Variants in DYNLL1 observed in about 807,000 individuals in gnomAD.
DYNLL1 encodes the protein dynein light chain 1, cytoplasmic.
In DYNLL1, 3 loss-of-function variants were observed where a neutral mutation model predicts 10.1. The observed-to-expected ratio is 0.30, with a 90% CI of 0.14 to 0.77. DYNLL1 has a LOEUF of 0.77. Ranked by LOEUF, DYNLL1 falls within the 30% of genes least tolerant of loss-of-function variation. The pLI, the probability that DYNLL1 is intolerant of heterozygous loss-of-function variation, is 0.66. For missense variants in DYNLL1, 47 were observed against 111.7 expected (o/e 0.42, Z 2.61); for synonymous variants, 46 against 41.2 (o/e 1.12, Z -0.45).
intron 1 of DYNLL1, among the ~76,000 whole-genome samples, chr12:120,473,792 C>T (rs574784566): frequency 2.6e-5 from 4 of 151,904 alleles, no homozygotes; most frequent in African/African-American, 7.2e-5. Context: ...TCAAGTGATC[C>T]GCCCATCTCG....
In DYNLL1 at chr12:120,496,205, C is replaced by G. The variant is rs1450243890; in HGVS notation, c.-18C>G. ...AGGAGACCGTTGCAGTCGGCCAGCC[C>G]CCTTCTCCACGGTGAGAAACTCGGG... On this transcript the variant is annotated 5_prime_UTR_variant, in exon 1 of 3. Coordinates refer to ENST00000242577, the MANE Select transcript of DYNLL1 (RefSeq NM_003746.3). 1 of 682,412 alleles carries G rather than the reference C, an allele frequency of 1.5e-6. No homozygotes were observed. The highest frequency in any genetic ancestry group is 1.8e-5 in the African/African-American group (1 of 55,332). The allele number at this position is 682,412 out of a possible 1,614,324, so 42.3% of individuals were successfully genotyped here.
At chr12:120,477,590 A>AT in intron 1 of DYNLL1, among the ~76,000 whole-genome samples, 1 of 151,898 alleles carries the variant, frequency 6.6e-6, no homozygotes, top group African/African-American at 2.4e-5. Flanking sequence ...TCTCTACAAA[A>AT]AAAATAAATA....
intron 1 of DYNLL1, among the ~76,000 whole-genome samples, chr12:120,470,469 CT>C (rs1293257543): frequency 6.6e-6 from 1 of 152,084 alleles, no homozygotes; most frequent in South Asian, 2.1e-4. Flanking sequence ...CACCAGAAGA[CT>C]TTTTGTTTGT....
At chr12:120,470,606 G>A (rs1195474832) in intron 1 of DYNLL1, among the ~76,000 whole-genome samples, 1 of 152,124 alleles carries the variant, frequency 6.6e-6, no homozygotes, top group Admixed American at 6.5e-5. Flanking sequence ...AGGGGTCTGC[G>A]CTGCGTCCAG....
intron 1 of DYNLL1, among the ~76,000 whole-genome samples, chr12:120,487,593 C>G (rs771190298): frequency 2.6e-5 from 4 of 151,982 alleles, no homozygotes; most frequent in African/African-American, 4.8e-5. Context: ...AGACTGGGCC[C>G]GGAAGAAAGA....
intron 1 of DYNLL1, among the ~76,000 whole-genome samples, chr12:120,471,817 T>C (rs1357178517): frequency 6.6e-6 from 1 of 152,104 alleles, no homozygotes; most frequent in African/African-American, 2.4e-5. Flanking sequence ...TTCACCGTGT[T>C]AGCCAGGATG....
intron 2 of DYNLL1, chr12:120,496,831 C>T (rs1176047697): frequency 1.7e-6 from 1 of 596,822 alleles, no homozygotes; most frequent in Non-Finnish European, 2.9e-6. Flanking sequence ...AGCGGTTCCC[C>T]CTTCTGTGTG....
At chr12:120,474,454 A>C (rs1297668774) in intron 1 of DYNLL1, among the ~76,000 whole-genome samples, 3 of 152,148 alleles carry the variant, frequency 2.0e-5, no homozygotes, top group African/African-American at 7.2e-5. Context: ...AAAAAAAAAA[A>C]AAATCCCAAA....
chr12:120,493,560 G>C (rs1879188054), upstream of DYNLL1, among the ~76,000 whole-genome samples: 1 of 151,398 alleles, frequency 6.6e-6, no homozygotes, highest in South Asian at 2.1e-4. Context: ...AATAAAGGGA[G>C]TTCAAATAAA....
chr12:120,493,977 A>G (rs1161674472), upstream of DYNLL1: 1 of 152,136 alleles, frequency 6.6e-6, no homozygotes, highest in Non-Finnish European at 1.5e-5. Flanking sequence ...GTATTATTAT[A>G]GTAAAAATTA....
At position 120,496,608 on chromosome 12, in the gene DYNLL1, C is replaced by G. The variant is rs755107812; in HGVS notation, c.132+55C>G. The G allele has an allele frequency of 5.6e-6, 9 of 1,613,604 alleles. No homozygotes were observed. The Admixed American group carries it at 1.3e-4, about 24-fold the overall frequency. On this transcript the variant is annotated intron_variant, in intron 2 of 2. Transcript: ENST00000242577. Reference sequence around the variant, plus strand: ...GCCGGGAGCAGGGGGTTCCTTCCCCCCGATCCTGCTTTCCTAAGGGCGCCT... The same window carrying G: ...GCCGGGAGCAGGGGGTTCCTTCCCCGCGATCCTGCTTTCCTAAGGGCGCCT...
chr12:120,496,672 G>A (rs1345531210), intron 2 of DYNLL1, 119 bp downstream of exon 2: 1 of 1,554,516 alleles, frequency 6.4e-7, no homozygotes, highest in Admixed American at 1.8e-5. Flanking sequence ...TTGGGGCGTA[G>A]AAGCTTCCAG....
At chr12:120,490,926 C>T (rs1174457176) in intron 1 of DYNLL1, 1 of 152,244 alleles carries the variant, frequency 6.6e-6, no homozygotes, top group Non-Finnish European at 1.5e-5. Flanking sequence ...GCACCACATT[C>T]TCTATGTGTA....
Position 120,498,214 on chromosome 12 carries a change from C to T in DYNLL1, c.*4C>T. On this transcript the variant is annotated 3_prime_UTR_variant, in exon 3 of 3. Transcript: ENST00000242577. ...TCTTCTGTTCAAATCTGGTTAAAAG[C>T]ATGGACTGTGCCACACACCCAGTGA... 6.2e-7 allele frequency: 1 copy of T among 1,610,774 alleles called. No individual in the cohort carries two copies. The highest frequency in any genetic ancestry group is 8.5e-7 in the Non-Finnish European group (1 of 1,179,656).
chr12:120,481,687 G>C lies in DYNLL1; in HGVS notation c.-7+11583G>C, dbSNP rs1200347701. On this transcript the variant is annotated intron_variant, in intron 1 of 2. Transcript: ENST00000392509. ...AATGCGTTCATCATTCCAGACTTTC[G>C]GAACCTCCTGTTCAAGAGTGTTTGG... is the stretch of plus-strand genomic sequence containing the variant. Among the ~76,000 whole-genome samples the C allele has an allele frequency of 3.9e-5, 6 of 152,272 alleles. 1 individual carries two copies. The East Asian group carries it at 9.6e-4, about 24-fold the overall frequency.
chr12:120,497,961 T>G, intron 2 of DYNLL1, 112 bp from the exon 3 acceptor site: 2 of 1,036,048 alleles, frequency 1.9e-6, no homozygotes, highest in Non-Finnish European at 1.4e-6. Flanking sequence ...TTCTAAGAAT[T>G]TGCAGATGCT....
rs914593387 is a variant in DYNLL1 at position 120,496,178 on chromosome 12, C to G, written c.-45C>G. On this transcript the variant is annotated 5_prime_UTR_variant, in exon 1 of 3. Coordinates refer to ENST00000242577, the MANE Select transcript of DYNLL1 (RefSeq NM_003746.3). ...GGCCTGAGCTGTGCTAGCACCTCCC[C>G]CAGGAGACCGTTGCAGTCGGCCAGC... 10 of 616,358 alleles carry G rather than the reference C, an allele frequency of 1.6e-5. No homozygotes were observed. Among genetic ancestry groups the G allele is most frequent in the African/African-American group, 7.4e-5 (4 of 54,036 alleles). The allele number at this position is 616,358 out of a possible 1,614,324, so 38.2% of individuals were successfully genotyped here. A position where few individuals can be genotyped will look rare whatever the true frequency, so the allele number is the denominator to read the frequency against.
intron 2 of DYNLL1, chr12:120,497,823 C>T (rs1245618601): frequency 2.1e-6 from 1 of 475,668 alleles, no homozygotes; most frequent in Non-Finnish European, 3.7e-6. Context: ...TAACAAAACA[C>T]CCTGTCTTTA....
At chr12:120,488,442 T>C (rs1295003926) in intron 1 of DYNLL1, 1 of 152,240 alleles carries the variant, frequency 6.6e-6, no homozygotes, top group East Asian at 1.9e-4. Flanking sequence ...AGCCTATCTT[T>C]CTCCTCCACT....
Sources: allele counts gnomAD v4.1 joint callset (sites outside exome capture counted in the v4.1 genomes callset), GRCh38; gene constraint gnomAD v4.1.1; transcripts MANE v1.5; gene names NCBI Gene and HGNC (gene_info 2026-07-23, HGNC 2026-07-21).